The following NCAN variants were observed in gnomAD, a reference collection of about 807,000 sequenced individuals.
NCAN encodes neurocan, also known as neurocan core protein.
NCAN carries 47 observed loss-of-function variants against 121.8 expected under a neutral mutation model. The ratio of observed to expected loss-of-function variants is 0.39; its 90% CI spans 0.31 to 0.49. The LOEUF (loss-of-function observed/expected upper bound fraction) is 0.49. NCAN is among the 20% of genes least tolerant of loss of function. NCAN has a pLI of 0.92. For synonymous variants in NCAN, 633 were observed against 702.0 expected (o/e 0.90, Z 1.55); for missense variants, 1,517 against 1,773.4 (o/e 0.86, Z 2.60).
intron 3 of NCAN, among the ~76,000 whole-genome samples, chr19:19,220,798 G>A (rs2060814067): frequency 6.6e-6 from 1 of 152,044 alleles, no homozygotes; most frequent in Non-Finnish European, 1.5e-5. Context: ...AGCTGCGTGT[G>A]GTAGTGCACA....
At position 19,233,906 on chromosome 19, in the gene NCAN, G is replaced by T; in HGVS notation, c.3136+1G>T. The T allele has an allele frequency of 6.3e-7, 1 of 1,584,650 alleles. No individual in the cohort carries two copies. Among genetic ancestry groups the T allele is most frequent in the Non-Finnish European group, 8.7e-7 (1 of 1,153,178 alleles). On this transcript the variant is annotated splice_donor_variant, in intron 9 of 14. Transcript: ENST00000252575. LOFTEE classifies it high-confidence loss of function. ...TTCGCCGGGGAGAACTGTGAGATTG[G>T]TGAGTACCCCAGACTCAGGATCTGA...
chr19:19,239,548 ACCT>A (rs1403354137), intron 11 of NCAN, among the ~76,000 whole-genome samples: 1 of 40,442 alleles, frequency 2.5e-5, no homozygotes, highest in Non-Finnish European at 4.8e-5. Flanking sequence ...CTCATCTTCC[ACCT>A]CCTTTCTCCT....
chr19:19,218,535 C>G (rs1414727518), intron 2 of NCAN, among the ~76,000 whole-genome samples: 1 of 151,556 alleles, frequency 6.6e-6, no homozygotes, highest in Non-Finnish European at 1.5e-5. Flanking sequence ...TGCAATGGTG[C>G]GACCTTGGCT....
chr19:19,226,439 C>A, intron 6 of NCAN, 47 bp from the exon 7 acceptor site: 3 of 1,454,192 alleles, frequency 2.1e-6, no homozygotes, highest in Non-Finnish European at 2.8e-6. Context: ...CAGAACTTCC[C>A]AGGCAACCCC....
chr19:19,229,651 G>A (rs1021113069), intron 8 of NCAN, among the ~76,000 whole-genome samples: 3 of 152,214 alleles, frequency 2.0e-5, no homozygotes, highest in Non-Finnish European at 2.9e-5. Context: ...GTGGCCAGCA[G>A]CGTCCATAGA....
chr19:19,233,960 G>T, intron 9 of NCAN, 55 bp downstream of exon 9: 2 of 1,157,106 alleles, frequency 1.7e-6, no homozygotes, highest in Non-Finnish European at 2.6e-6. Context: ...CCAGAGCCTT[G>T]GGTTGTACTC....
Position 19,248,894 on chromosome 19 carries a change from C to A in NCAN, c.3820+12C>A. 1 of 1,613,104 alleles carries A rather than the reference C, an allele frequency of 6.2e-7. No homozygotes were observed. Among genetic ancestry groups the A allele is most frequent in the South Asian group, 1.1e-5 (1 of 90,992 alleles). On this transcript the variant is annotated intron_variant, in intron 14 of 14. Coordinates refer to ENST00000252575, the MANE Select transcript of NCAN (RefSeq NM_004386.3). ...TGTCTGCACCAAACGTAAGTAGCTT[C>A]TCCCAGAGATCTCAACATAGGTTTT...
chr19:19,233,218 G>A (rs2060867359), intron 8 of NCAN, among the ~76,000 whole-genome samples: 1 of 152,170 alleles, frequency 6.6e-6, no homozygotes, highest in South Asian at 2.1e-4. Context: ...ACAGGCATGA[G>A]CCATGGCACC....
intron 11 of NCAN, among the ~76,000 whole-genome samples, chr19:19,239,359 CTCCT>C (rs2146553073): frequency 6.6e-6 from 1 of 151,104 alleles, no homozygotes; most frequent in Non-Finnish European, 1.5e-5. Flanking sequence ...TACCCTCCTC[CTCCT>C]TCCTTTCCCT....
rs146788724 is a variant in NCAN, at chr19:19,219,001, C to T, written c.160C>T (p.Leu54=). ...SGSVQAALAE[L]VALPCLFTLQ... ...GTCAGTGCAGGCTGCGCTGGCGGAG[C>T]TGGTGGCCCTGCCCTGTCTCTTTAC... Residue 54 remains leucine (L), a synonymous_variant, in exon 3 of 15, where the codon CTG becomes TTG. Coordinates refer to ENST00000252575, the MANE Select transcript of NCAN (RefSeq NM_004386.3). The T allele has an allele frequency of 6.0e-5, 96 of 1,599,542 alleles. No individual in the cohort carries two copies. The highest frequency in any genetic ancestry group is 7.9e-5 in the Non-Finnish European group (92 of 1,171,342).
chr19:19,216,468 C>G (rs750785372), intron 1 of NCAN, among the ~76,000 whole-genome samples: 1 of 152,112 alleles, frequency 6.6e-6, no homozygotes, highest in Non-Finnish European at 1.5e-5. Context: ...CCTGCCACCA[C>G]GCCCAGCTAA....
intron 10 of NCAN, among the ~76,000 whole-genome samples, chr19:19,237,879 A>G (rs1273107556): frequency 6.6e-6 from 1 of 152,130 alleles, no homozygotes; most frequent in Non-Finnish European, 1.5e-5. Flanking sequence ...CCCTATCTCT[A>G]CTAAAAATAC....
chr19:19,247,322 C>G (rs1380773404), intron 13 of NCAN, among the ~76,000 whole-genome samples: 1 of 152,036 alleles, frequency 6.6e-6, no homozygotes, highest in African/African-American at 2.4e-5. Context: ...GGCGCAATCT[C>G]GGCTCACTAC....
intron 3 of NCAN, 137 bp from the exon 4 acceptor site, chr19:19,223,884 C>A: frequency 2.5e-6 from 2 of 809,408 alleles, no homozygotes; most frequent in Non-Finnish European, 3.5e-6. Context: ...TGCTCCCCAC[C>A]CTCGACCCAC....
At chr19:19,221,762 C>T (rs948445258) in intron 3 of NCAN, among the ~76,000 whole-genome samples, 2 of 151,040 alleles carry the variant, frequency 1.3e-5, no homozygotes, top group Non-Finnish European at 3.0e-5. Flanking sequence ...TGCTAGTGTG[C>T]GCCTGTAGTC....
chr19:19,224,244 G>A lies in NCAN; in HGVS notation c.650+49G>A. 3 of 1,593,544 alleles carry A rather than the reference G, an allele frequency of 1.9e-6. No individual in the cohort carries two copies. In the South Asian group the frequency reaches 3.4e-5, roughly 18 times the overall value. ...GAGATGAAGACTAGCTCATGGGGAA[G>A]GAGGTTCCTTGGGGGCTCCAGGAGC... On this transcript the variant is annotated intron_variant, in intron 4 of 14. Transcript: ENST00000252575.
intron 1 of NCAN, among the ~76,000 whole-genome samples, chr19:19,214,969 T>C (rs2060791134): frequency 6.6e-6 from 1 of 152,074 alleles, no homozygotes; most frequent in African/African-American, 2.4e-5. Context: ...TACAAGTTGG[T>C]AGTTGGGAGC....
chr19:19,249,791 ACAC>A lies in NCAN; in HGVS notation c.3861_3863del (p.His1287del), dbSNP rs762395671. The A allele has an allele frequency of 3.1e-5, 50 of 1,607,490 alleles. No homozygotes were observed. In the East Asian group the frequency reaches 5.6e-4, roughly 18 times the overall value. On this transcript the variant is annotated inframe_deletion, in exon 15 of 15. Coordinates refer to ENST00000252575, the MANE Select transcript of NCAN (RefSeq NM_004386.3). ...CCAGACGTTCACATCGGATGCGGCG[ACAC>A]CACCACCACCACCAACACCACCACC...
chr19:19,229,129 AC>A (rs776594542), intron 8 of NCAN, among the ~76,000 whole-genome samples: 14 of 152,104 alleles, frequency 9.2e-5, no homozygotes, highest in Non-Finnish European at 1.8e-4. Context: ...AATCGCTTGA[AC>A]CCGGGAGGCG....
Sources: allele counts gnomAD v4.1 joint callset (sites outside exome capture counted in the v4.1 genomes callset), GRCh38; gene constraint gnomAD v4.1.1; transcripts MANE v1.5; gene names NCBI Gene and HGNC (gene_info 2026-07-23, HGNC 2026-07-21).